CEP57: variants seen among roughly 807,000 people sequenced by gnomAD.
CEP57 encodes centrosomal protein 57, also known as centrosomal protein of 57 kDa.
A neutral mutation model predicts 68.0 loss-of-function variants in CEP57; 40 were observed. That is an observed-to-expected ratio of 0.59 (90% CI 0.46 to 0.77). The LOEUF is 0.77. Among genes scored for constraint, CEP57 ranks in the 30% least tolerant of loss-of-function variants. CEP57 has a pLI of 0.00. For synonymous variants in CEP57, 219 were observed against 198.7 expected, an observed-to-expected ratio of 1.10 and a Z score of -0.86; for missense variants, 606 against 580.7, an observed-to-expected ratio of 1.04 and a Z score of -0.45.
rs1862659402 is a variant in CEP57 at position 95,824,585 on chromosome 11, T to TC, written c.885+2012dup. 2.0e-5 allele frequency among the ~76,000 whole-genome samples: 3 copies of TC among 152,240 alleles called. No homozygotes were observed. The South Asian group carries it at 6.2e-4, about 32-fold the overall frequency. On this transcript the variant is annotated intron_variant, in intron 8 of 10. Coordinates refer to ENST00000325542, the MANE Select transcript of CEP57 (RefSeq NM_014679.5). ...TGCTGACCAAGAGGCAGCAGATGAATCCCAAGATACCATTAAGAAAATCAT... is the reference window on the plus strand; with the variant it reads ...TGCTGACCAAGAGGCAGCAGATGAATCCCCAAGATACCATTAAGAAAATCAT...
intron 1 of CEP57, 24 bp from the exon 2 acceptor site, chr11:95,799,208 G>A (rs763738844): frequency 6.2e-7 from 1 of 1,613,348 alleles, no homozygotes; most frequent in Non-Finnish European, 8.5e-7. Flanking sequence ...CTTTTGAAAG[G>A]TAATTTGTGT....
At chr11:95,822,926 A>G (rs563634597) in intron 8 of CEP57, 1 of 296,066 alleles carries the variant, frequency 3.4e-6, no homozygotes, top group South Asian at 3.6e-5. Context: ...ACATTTAGAT[A>G]TAGGTAGATA....
Position 95,818,411 on chromosome 11 carries a change from CA to C in CEP57, c.622-401del, listed in dbSNP as rs34940479. Among the ~76,000 whole-genome samples the C allele has an allele frequency of 4.7e-3, 599 of 127,368 alleles. 4 individuals carry two copies. The highest frequency in any genetic ancestry group is 0.013 in the African/African-American group (436 of 32,424). 83.6% of individuals were successfully genotyped at this position (127,368 alleles called of 152,430 possible). On this transcript the variant is annotated intron_variant, in intron 5 of 10. Coordinates refer to ENST00000325542, the MANE Select transcript of CEP57 (RefSeq NM_014679.5). ...GGGCAACAAGAGCGAAACTCCATCT[CA>C]AAAAAAAAAAAAAATTAAATGTTTT...
rs1294711649 is a variant in CEP57, at chr11:95,827,981, T to C, written c.1081T>C (p.Ser361Pro). Residue 361 changes from serine to proline, a missense_variant, in exon 9 of 11, where the codon TCA becomes CCA. By Grantham distance (74) the Ser-to-Pro change is moderately conservative. Coordinates refer to ENST00000325542, the MANE Select transcript of CEP57 (RefSeq NM_014679.5). The stretch of plus-strand genomic sequence containing the variant: ...CTCCAACGGTATTAATGAGGAGTTG[T>C]CAGAAGTCTTACAGACTTTACAGGA... ...PSSNGINEEL[S>P]EVLQTLQDEF... The C allele has an allele frequency of 2.5e-6, 4 of 1,613,902 alleles. No homozygotes were observed. Among genetic ancestry groups the C allele is most frequent in the Non-Finnish European group, 3.4e-6 (4 of 1,179,976 alleles).
intron 1 of CEP57, among the ~76,000 whole-genome samples, 185 bp downstream of exon 1, chr11:95,790,928 G>A (rs569743717): frequency 1.3e-5 from 2 of 152,270 alleles, no homozygotes; most frequent in East Asian, 3.9e-4. Flanking sequence ...GCACCCTCTG[G>A]CTCCCAGTGA....
intron 2 of CEP57, among the ~76,000 whole-genome samples, chr11:95,808,949 T>G (rs1437529265): frequency 6.6e-6 from 1 of 152,186 alleles, no homozygotes; most frequent in Non-Finnish European, 1.5e-5. Flanking sequence ...ACCACATAGT[T>G]GGAAGTAAAG....
At chr11:95,808,914 C>T (rs1347248220) in intron 2 of CEP57, among the ~76,000 whole-genome samples, 1 of 152,196 alleles carries the variant, frequency 6.6e-6, no homozygotes, top group Non-Finnish European at 1.5e-5. Context: ...CTTCTCAGCA[C>T]CACATCACAC....
rs1862826792 is a variant in CEP57, at chr11:95,828,034, T to G, written c.1127+7T>G. On this transcript the variant is annotated splice_region_variant and intron_variant, in intron 9 of 10. Coordinates refer to ENST00000325542, the MANE Select transcript of CEP57 (RefSeq NM_014679.5). ...AATTTGGGCAAATGAGCTTGTGAGT[T>G]TTTGTTTTTTTTTTTAAATTCAGTT... 2 of 1,610,834 alleles carry G rather than the reference T, an allele frequency of 1.2e-6. No individual in the cohort carries two copies.
intron 1 of CEP57, chr11:95,795,521 A>G: frequency 2.0e-6 from 1 of 504,066 alleles, no homozygotes; most frequent in South Asian, 3.1e-5. Flanking sequence ...CTTAGTGTGC[A>G]GACTAGGGAA....
At position 95,799,274 on chromosome 11, in the gene CEP57, C is replaced by T. The variant is rs749693319; in HGVS notation, c.88C>T (p.Arg30Trp). Residue 30 changes from arginine (R) to tryptophan (W), a missense_variant, in exon 2 of 11, where the codon CGG (arginine) becomes TGG (tryptophan). By Grantham distance (101) the Arg-to-Trp change is moderately radical. Coordinates refer to ENST00000325542, the MANE Select transcript of CEP57 (RefSeq NM_014679.5). ...EPSRSNGSMVRHSSSPYVVYP... is the reference protein window; with the variant it reads ...EPSRSNGSMVWHSSSPYVVYP... ...ATCAAGGTCTAATGGAAGCATGGTTCGGCATTCTTCATCTCCATATGTAGT... is the reference window on the plus strand; with the variant it reads ...ATCAAGGTCTAATGGAAGCATGGTTTGGCATTCTTCATCTCCATATGTAGT... 19 of 1,613,884 alleles carry T rather than the reference C, an allele frequency of 1.2e-5. No homozygotes were observed. The highest frequency in any genetic ancestry group is 6.7e-5 in the East Asian group (3 of 44,884).
rs1156444141 is a variant in CEP57, at chr11:95,799,344, C to A, written c.158C>A (p.Ser53Tyr). ...TTCCTTAATAGTGATCTACGACGCT[C>A]CCCAAGTAAGCCTACACTTGCCTAT... Reference protein sequence around the residue: ...KPFLNSDLRRSPSKPTLAYPE... With the variant: ...KPFLNSDLRRYPSKPTLAYPE... The change falls in exon 2 of 11, where the codon TCC (serine) becomes TAC (tyrosine). Residue 53 changes from serine to tyrosine, a missense_variant. Physicochemically the swap from Ser to Tyr is moderately radical, Grantham distance 144. Transcript: ENST00000325542. The A allele has an allele frequency of 6.2e-7, 1 of 1,614,044 alleles. No individual in the cohort carries two copies. Among genetic ancestry groups the A allele is most frequent in the Admixed American group, 1.7e-5 (1 of 60,022 alleles).
At chr11:95,801,936 A>G (rs1194013528) in intron 2 of CEP57, among the ~76,000 whole-genome samples, 6 of 152,220 alleles carry the variant, frequency 3.9e-5, no homozygotes, top group Non-Finnish European at 4.4e-5. Context: ...GATAATTATT[A>G]TAATCCATTA....
At chr11:95,830,864 T>C (rs1390319331) in intron 10 of CEP57, among the ~76,000 whole-genome samples, 162 bp from the exon 11 acceptor site, 1 of 151,254 alleles carries the variant, frequency 6.6e-6, no homozygotes, top group African/African-American at 2.4e-5. Flanking sequence ...AAATGACTAG[T>C]GCAGTAGATT....
Position 95,831,266 on chromosome 11 carries a change from A to G in CEP57, c.*10A>G. On this transcript the variant is annotated 3_prime_UTR_variant, in exon 11 of 11. Coordinates refer to ENST00000325542, the MANE Select transcript of CEP57 (RefSeq NM_014679.5). The stretch of plus-strand genomic sequence containing the variant: ...GTGTTGGGATTACTGACTCATAACC[A>G]GGTCAGAAATTTTATTCAGATAATC... The G allele has an allele frequency of 6.3e-7, 1 of 1,583,204 alleles. No individual in the cohort carries two copies. Among genetic ancestry groups the G allele is most frequent in the South Asian group, 1.1e-5 (1 of 90,116 alleles).
At chr11:95,794,251 G>T (rs1472770640) in intron 1 of CEP57, 4 of 455,852 alleles carry the variant, frequency 8.8e-6, no homozygotes, top group Non-Finnish European at 1.8e-5. Context: ...TTACAGCTCA[G>T]TAGTGGGTCA....
intron 7 of CEP57, chr11:95,822,289 TTTGTC>T: frequency 1.7e-6 from 1 of 591,390 alleles, no homozygotes. Context: ...TAACTGTTGT[TTTGTC>T]AAGTGCTTTT....
Position 95,831,692 on chromosome 11 carries a change from C to T in CEP57, c.*436C>T, listed in dbSNP as rs1034764085. On this transcript the variant is annotated 3_prime_UTR_variant, in exon 11 of 11. Coordinates refer to ENST00000325542, the MANE Select transcript of CEP57 (RefSeq NM_014679.5). ...CCCTGGCATGAGGTGCCCACTTCCC[C>T]TTTCCAAAGCAACCATTAAACATAC... 6.6e-6 allele frequency: 1 copy of T among 152,450 alleles called. No individual in the cohort carries two copies. The highest frequency in any genetic ancestry group is 2.4e-5 in the African/African-American group (1 of 41,440). The allele number at this position is 152,450 out of a possible 1,614,324, so 9.4% of individuals were successfully genotyped here. A position where few individuals can be genotyped will look rare whatever the true frequency, so the allele number is the denominator to read the frequency against.
intron 4 of CEP57, among the ~76,000 whole-genome samples, chr11:95,814,644 G>GCCA (rs1208728594): frequency 6.6e-6 from 1 of 152,200 alleles, no homozygotes; most frequent in East Asian, 1.9e-4. Flanking sequence ...ACAGGCATGA[G>GCCA]CCACCACGCC....
In CEP57 at chr11:95,831,471, A is replaced by G. The variant is rs754313429; in HGVS notation, c.*215A>G. 2 of 460,416 alleles carry G rather than the reference A, an allele frequency of 4.3e-6. No homozygotes were observed. Among genetic ancestry groups the G allele is most frequent in the Non-Finnish European group, 3.9e-6 (1 of 255,498 alleles). The allele number at this position is 460,416 out of a possible 1,614,324, so 28.5% of individuals were successfully genotyped here. On this transcript the variant is annotated 3_prime_UTR_variant, in exon 11 of 11. Coordinates refer to ENST00000325542, the MANE Select transcript of CEP57 (RefSeq NM_014679.5). Reference sequence around the variant, plus strand: ...AACCAGGGGAGTTTTAAAGCCCGAGAAACCACACATAATCTTTTGTTGAGA... The same window carrying G: ...AACCAGGGGAGTTTTAAAGCCCGAGGAACCACACATAATCTTTTGTTGAGA...
Sources: gnomAD v4.1 joint callset for allele counts (sites outside exome capture counted in the v4.1 genomes callset) on GRCh38, gnomAD v4.1.1 for gene constraint, MANE v1.5 for transcripts, NCBI Gene and HGNC (gene_info 2026-07-23, HGNC 2026-07-21) for gene names.